EXOC5: variants seen among roughly 807,000 people sequenced by gnomAD.
The protein encoded by EXOC5 is SEC10-like 1.
EXOC5 carries 17 observed loss-of-function variants against 90.8 expected under a neutral mutation model. The ratio of observed to expected loss-of-function variants is 0.19; its 90% CI spans 0.13 to 0.28. The LOEUF is 0.28. Among genes scored for constraint, EXOC5 ranks in the 10% least tolerant of loss-of-function variants. EXOC5 has a pLI of 1.00. For synonymous variants in EXOC5, 260 were observed against 270.0 expected (o/e 0.96, Z 0.36); for missense variants, 569 against 830.6 (o/e 0.69, Z 3.87).
rs1230178908 is a variant in EXOC5 at position 57,205,542 on chromosome 14, T to A, written c.*3067A>T. ...GCCACTACCTTAGGTACTTGACCACTTTAAGGGGTTTTGTGGCATTTCAAA... is the reference window on the plus strand; with the variant it reads ...GCCACTACCTTAGGTACTTGACCACATTAAGGGGTTTTGTGGCATTTCAAA... On this transcript the variant is annotated 3_prime_UTR_variant, in exon 18 of 18. Coordinates refer to ENST00000621441, the MANE Select transcript of EXOC5 (RefSeq NM_006544.4). 3.6e-6 allele frequency: 1 copy of A among 277,352 alleles called. No homozygotes were observed. Among genetic ancestry groups the A allele is most frequent in the Non-Finnish European group, 6.9e-6 (1 of 144,534 alleles). The allele number at this position is 277,352 out of a possible 1,614,324, so 17.2% of individuals were successfully genotyped here.
At chr14:57,217,219 C>T (rs1417193945) in intron 15 of EXOC5, among the ~76,000 whole-genome samples, 1 of 152,146 alleles carries the variant, frequency 6.6e-6, no homozygotes, top group Non-Finnish European at 1.5e-5. Context: ...AACTTAAAAA[C>T]AGAGCTACTA....
In EXOC5 at chr14:57,231,760, G is replaced by A. The variant is rs755862341; in HGVS notation, c.939-45C>T. 1.5e-5 allele frequency: 20 copies of A among 1,294,828 alleles called. No individual in the cohort carries two copies. In the African/African-American group the frequency reaches 2.8e-4, roughly 18 times the overall value. The allele number at this position is 1,294,828 out of a possible 1,614,324, so 80.2% of individuals were successfully genotyped here. A position where few individuals can be genotyped will look rare whatever the true frequency, so the allele number is the denominator to read the frequency against. Reference sequence around the variant, plus strand: ...AGAAAAAGATTAATATACATTTTAGGTATAGTAACAATATTAAGGAATACA... The same window carrying A: ...AGAAAAAGATTAATATACATTTTAGATATAGTAACAATATTAAGGAATACA... On this transcript the variant is annotated intron_variant, in intron 10 of 17. Transcript: ENST00000621441.
rs999803299 is a variant in EXOC5 at position 57,200,732 on chromosome 14, A to C, written c.*7877T>G. The C allele has an allele frequency of 6.7e-6, 1 of 150,194 alleles. No homozygotes were observed. Among genetic ancestry groups the C allele is most frequent in the African/African-American group, 2.5e-5 (1 of 40,226 alleles). 9.3% of individuals were successfully genotyped at this position (150,194 alleles called of 1,614,324 possible). A position where few individuals can be genotyped will look rare whatever the true frequency, so the allele number is the denominator to read the frequency against. Reference sequence around the variant, plus strand: ...TAACACTTTACCCCCTCCTCAATTCAGCTTTACTAATTTGCTCACTACATT... The same window carrying C: ...TAACACTTTACCCCCTCCTCAATTCCGCTTTACTAATTTGCTCACTACATT... On this transcript the variant is annotated 3_prime_UTR_variant, in exon 18 of 18. Coordinates refer to ENST00000621441, the MANE Select transcript of EXOC5 (RefSeq NM_006544.4).
intron 1 of EXOC5, among the ~76,000 whole-genome samples, chr14:57,266,401 A>C (rs1884669807): frequency 1.3e-5 from 2 of 152,214 alleles, no homozygotes; most frequent in African/African-American, 2.4e-5. Flanking sequence ...ACTCAAGAGT[A>C]GAGTCCACTG....
chr14:57,263,794 C>A (rs1312243935), intron 1 of EXOC5, among the ~76,000 whole-genome samples: 1 of 150,924 alleles, frequency 6.6e-6, no homozygotes, highest in Non-Finnish European at 1.5e-5. Flanking sequence ...CCTCGAACTC[C>A]TATGGTCTCA....
intron 1 of EXOC5, among the ~76,000 whole-genome samples, chr14:57,261,560 G>A (rs186891855): frequency 1.7e-3 from 263 of 152,296 alleles, no homozygotes; most frequent in African/African-American, 6.0e-3. Context: ...GAAATTGATC[G>A]GCCTCTGTTA....
intron 15 of EXOC5, among the ~76,000 whole-genome samples, chr14:57,215,576 CTGA>C (rs1400815478): frequency 6.6e-6 from 1 of 151,028 alleles, no homozygotes; most frequent in African/African-American, 2.4e-5. Flanking sequence ...ACATAATTGT[CTGA>C]TGATGTGAAA....
chr14:57,234,096 A>G, intron 7 of EXOC5, 64 bp from the exon 8 acceptor site: 1 of 1,269,762 alleles, frequency 7.9e-7, no homozygotes, highest in Non-Finnish European at 1.1e-6. Context: ...TTTCAAAAAA[A>G]GAAGTGTTAT....
intron 12 of EXOC5, among the ~76,000 whole-genome samples, chr14:57,225,678 C>A (rs900396732): frequency 6.6e-6 from 1 of 151,794 alleles, no homozygotes; most frequent in Non-Finnish European, 1.5e-5. Context: ...AAGTCTCAAT[C>A]AATTTGGAAA....
intron 12 of EXOC5, among the ~76,000 whole-genome samples, chr14:57,224,185 G>T (rs773923948): frequency 6.6e-6 from 1 of 151,988 alleles, no homozygotes; most frequent in Non-Finnish European, 1.5e-5. Flanking sequence ...GGGGTGAGGG[G>T]TGGGGATAAA....
At chr14:57,250,848 T>C (rs1315732468) in intron 1 of EXOC5, among the ~76,000 whole-genome samples, 1 of 150,976 alleles carries the variant, frequency 6.6e-6, no homozygotes, top group Non-Finnish European at 1.5e-5. Context: ...GAATATAAAG[T>C]AGAGATCTAC....
chr14:57,230,308 T>C (rs922556166), intron 11 of EXOC5, among the ~76,000 whole-genome samples: 1 of 152,188 alleles, frequency 6.6e-6, no homozygotes, highest in Non-Finnish European at 1.5e-5. Flanking sequence ...AGAAGATATA[T>C]TAAACATAAT....
intron 1 of EXOC5, among the ~76,000 whole-genome samples, chr14:57,254,932 C>G (rs145656685): frequency 6.6e-6 from 1 of 152,234 alleles, no homozygotes; most frequent in East Asian, 1.9e-4. Flanking sequence ...TTGAAGCCAT[C>G]CAGTCTATGG....
At chr14:57,243,853 T>C (rs1005039070) in intron 4 of EXOC5, among the ~76,000 whole-genome samples, 7 of 152,138 alleles carry the variant, frequency 4.6e-5, no homozygotes, top group East Asian at 1.9e-4. Flanking sequence ...TTAAAAACTA[T>C]AGAAATTCTG....
At position 57,235,838 on chromosome 14, in the gene EXOC5, C is replaced by T. The variant is rs777090695; in HGVS notation, c.560-18G>A. 2.3e-6 allele frequency: 3 copies of T among 1,284,460 alleles called. No homozygotes were observed. In the East Asian group the frequency reaches 7.5e-5, roughly 32 times the overall value. 79.6% of individuals were successfully genotyped at this position (1,284,460 alleles called of 1,614,324 possible). A position where few individuals can be genotyped will look rare whatever the true frequency, so the allele number is the denominator to read the frequency against. Reference sequence around the variant, plus strand: ...GTATTTACCTAAAAATAAAGTCATTCAGCTACACTGAGGCATACAAGGCAT... The same window carrying T: ...GTATTTACCTAAAAATAAAGTCATTTAGCTACACTGAGGCATACAAGGCAT... On this transcript the variant is annotated intron_variant, in intron 6 of 17. Transcript: ENST00000621441.
At chr14:57,251,972 C>A (rs1884209520) in intron 1 of EXOC5, among the ~76,000 whole-genome samples, 1 of 152,010 alleles carries the variant, frequency 6.6e-6, no homozygotes, top group Admixed American at 6.6e-5. Context: ...AATAGAAAAA[C>A]TCCTAGAAAC....
chr14:57,232,722 A>G lies in EXOC5; in HGVS notation c.883T>C (p.Cys295Arg). Residue 295 changes from cysteine to arginine, a missense_variant, in exon 10 of 18, where the codon TGT (cysteine) becomes CGT (arginine). Cys to Arg is a radical substitution (Grantham distance 180). Coordinates refer to ENST00000621441, the MANE Select transcript of EXOC5 (RefSeq NM_006544.4). ...QSFVKEQLEE[C>R]RKSDAEQYLK... is the part of the protein sequence containing the mutation. ...TATTGCTCTGCATCGGACTTCCTAC[A>G]TTCTTCTAACTGCTCTTTCACAAAA... The G allele has an allele frequency of 2.6e-6, 4 of 1,549,130 alleles. No individual in the cohort carries two copies. The highest frequency in any genetic ancestry group is 4.6e-5 in the East Asian group (2 of 43,864).
In EXOC5 at chr14:57,246,752, C is replaced by G; in HGVS notation, c.229G>C (p.Glu77Gln). ...AGCTCTTGTACCTTCTTGGCAAATT[C>G]CTTGGCTTCTTTCTGACATTGTTGC... ...LEQQCQKEAK[E>Q]FAKKVQELQK... is the part of the protein sequence containing the mutation. The change falls in exon 3 of 18, where the codon GAA becomes CAA. Residue 77 changes from glutamate to glutamine, a missense_variant. By Grantham distance (29) the Glu-to-Gln change is conservative (BLOSUM62 2). Around this residue, in one of 9 missense-constraint regions of EXOC5, gnomAD observed 45 missense variants for 44.6 expected, o/e 1.01. Transcript: ENST00000621441. 1 of 1,611,242 alleles carries G rather than the reference C, an allele frequency of 6.2e-7. No individual in the cohort carries two copies. The highest frequency in any genetic ancestry group is 1.1e-5 in the South Asian group (1 of 90,876).
At chr14:57,234,541 A>G (rs558556481) in intron 7 of EXOC5, among the ~76,000 whole-genome samples, 3,206 of 129,912 alleles carry the variant, frequency 0.025, 74 homozygotes, top group African/African-American at 0.058. Context: ...GTGTGTGTAT[A>G]TATATATATA....
Sources: allele counts gnomAD v4.1 joint callset (sites outside exome capture counted in the v4.1 genomes callset), GRCh38; gene constraint gnomAD v4.1.1; regional missense constraint gnomAD v4.1.1; transcripts MANE v1.5; gene names NCBI Gene and HGNC (gene_info 2026-07-23, HGNC 2026-07-21).